The following EPHB1 variants were observed in gnomAD, a reference collection of about 807,000 sequenced individuals.
EPHB1 encodes the protein ephrin type-B receptor 1.
In EPHB1, 30 loss-of-function variants were observed where a neutral mutation model predicts 94.4. That is an observed-to-expected ratio of 0.32 (90% CI 0.24 to 0.43). EPHB1 has a LOEUF of 0.43. Ranked by LOEUF, EPHB1 falls within the 20% of genes least tolerant of loss-of-function variation. EPHB1 has a pLI of 1.00. For synonymous variants in EPHB1, 522 were observed against 489.1 expected (o/e 1.07, Z -0.89); for missense variants, 1,055 against 1,308.3 (o/e 0.81, Z 2.99).
At chr3:135,214,574 T>G (rs1943100648) in intron 12 of EPHB1, among the ~76,000 whole-genome samples, 1 of 152,128 alleles carries the variant, frequency 6.6e-6, no homozygotes, top group Non-Finnish European at 1.5e-5. Context: ...TGTGACGAAT[T>G]TCAGTCATCC....
chr3:135,204,991 A>G (rs1316349663), intron 12 of EPHB1, among the ~76,000 whole-genome samples: 3 of 120,072 alleles, frequency 2.5e-5, no homozygotes, highest in African/African-American at 9.8e-5. Context: ...CTCTATCTCC[A>G]TGAGTTCAAT....
intron 3 of EPHB1, among the ~76,000 whole-genome samples, chr3:135,056,277 T>C (rs2107774290): frequency 6.6e-6 from 1 of 152,306 alleles, no homozygotes; most frequent in Non-Finnish European, 1.5e-5. Flanking sequence ...GGGAACCTGC[T>C]CACCCTCCGT....
intron 6 of EPHB1, among the ~76,000 whole-genome samples, chr3:135,158,841 T>C (rs910353765): frequency 3.3e-5 from 5 of 152,156 alleles, no homozygotes; most frequent in Non-Finnish European, 7.3e-5. Context: ...TGATTAAACG[T>C]TTATGGTTAC....
chr3:135,176,188 T>G lies in EPHB1; in HGVS notation c.1760-3672T>G, dbSNP rs9873553. Among the ~76,000 whole-genome samples the G allele has an allele frequency of 8.8e-3, 1,339 of 152,176 alleles. 8 individuals carry two copies. Among genetic ancestry groups the G allele is most frequent in the Non-Finnish European group, 0.014 (968 of 68,008 alleles). Reference sequence around the variant, plus strand: ...AGAGTGCTCAACCAAGTCACTCTCCTGATTTAGAACACAGACTGCCGCCCC... The same window carrying G: ...AGAGTGCTCAACCAAGTCACTCTCCGGATTTAGAACACAGACTGCCGCCCC... On this transcript the variant is annotated intron_variant, in intron 9 of 15. Transcript: ENST00000398015.
intron 10 of EPHB1, among the ~76,000 whole-genome samples, chr3:135,189,503 T>C (rs1308749465): frequency 6.6e-6 from 1 of 152,254 alleles, no homozygotes; most frequent in African/African-American, 2.4e-5. Flanking sequence ...ATTGAAATGC[T>C]CAATAGTTTT....
At chr3:134,962,483 G>C (rs1009350389) in intron 3 of EPHB1, among the ~76,000 whole-genome samples, 1 of 152,108 alleles carries the variant, frequency 6.6e-6, no homozygotes, top group African/African-American at 2.4e-5. Flanking sequence ...TCTGTAGATG[G>C]GACAGGACAA....
intron 10 of EPHB1, among the ~76,000 whole-genome samples, chr3:135,181,268 C>T (rs1167891010): frequency 6.6e-6 from 1 of 152,168 alleles, no homozygotes; most frequent in East Asian, 1.9e-4. Context: ...CCACCTGCTC[C>T]CGCCAACCCC....
intron 1 of EPHB1, among the ~76,000 whole-genome samples, chr3:134,845,736 G>A (rs1410810315): frequency 2.0e-5 from 3 of 152,164 alleles, no homozygotes; most frequent in Admixed American, 1.3e-4. Context: ...CTCTCTAGGA[G>A]GTATAATTTT....
intron 3 of EPHB1, among the ~76,000 whole-genome samples, chr3:135,101,831 A>G (rs1939046853): frequency 6.6e-6 from 1 of 152,200 alleles, no homozygotes; most frequent in South Asian, 2.1e-4. Flanking sequence ...TCATCTTATA[A>G]GGAGACTCTG....
intron 4 of EPHB1, among the ~76,000 whole-genome samples, chr3:135,128,544 C>T (rs950219617): frequency 3.3e-4 from 50 of 152,348 alleles, no homozygotes; most frequent in African/African-American, 1.2e-3. Context: ...CCTGGCTTGC[C>T]AGCCCTGGAG....
intron 3 of EPHB1, among the ~76,000 whole-genome samples, chr3:135,084,219 A>T (rs538813482): frequency 6.6e-6 from 1 of 152,294 alleles, no homozygotes; most frequent in South Asian, 2.1e-4. Context: ...ATCATTATTG[A>T]TGGAGATGCC....
chr3:134,911,026 C>T (rs2038441815), intron 1 of EPHB1, among the ~76,000 whole-genome samples: 1 of 152,232 alleles, frequency 6.6e-6, no homozygotes, highest in South Asian at 2.1e-4. Context: ...TGAGACTATG[C>T]AGAGTTCAGG....
intron 8 of EPHB1, 102 bp from the exon 9 acceptor site, chr3:135,166,840 C>T: frequency 8.2e-7 from 1 of 1,221,958 alleles, no homozygotes; most frequent in Non-Finnish European, 1.2e-6. Context: ...CTGGGAGATG[C>T]CCCGGGTGAG....
chr3:135,167,106 A>T lies in EPHB1; in HGVS notation c.1759+100A>T, dbSNP rs1272300828. ...CTTTATAGCCAGACTGGCTGGTCCC[A>T]GTGGCAAGTTCTCTCTCAGCCCCCA... On this transcript the variant is annotated intron_variant, in intron 9 of 15. Transcript: ENST00000398015. The T allele has an allele frequency of 2.2e-6, 3 of 1,394,146 alleles. No homozygotes were observed. The African/African-American group carries it at 4.3e-5, about 20-fold the overall frequency. 86.4% of individuals were successfully genotyped at this position (1,394,146 alleles called of 1,614,324 possible). A position where few individuals can be genotyped will look rare whatever the true frequency, so the allele number is the denominator to read the frequency against.
chr3:134,862,499 C>CA (rs11315176), intron 1 of EPHB1, among the ~76,000 whole-genome samples: 46 of 133,976 alleles, frequency 3.4e-4, no homozygotes, highest in African/African-American at 1.2e-3. Context: ...CTTGTAAGCT[C>CA]AAAAAAAAAA....
intron 2 of EPHB1, among the ~76,000 whole-genome samples, chr3:134,926,879 G>T (rs2038801659): frequency 6.6e-6 from 1 of 152,222 alleles, no homozygotes; most frequent in Non-Finnish European, 1.5e-5. Flanking sequence ...AGGATATGCA[G>T]AGGCTAGTTT....
intron 9 of EPHB1, among the ~76,000 whole-genome samples, chr3:135,179,465 T>G (rs1380209078): frequency 6.6e-6 from 1 of 152,178 alleles, no homozygotes. Context: ...AGTTGTCAAG[T>G]TGATAAATAT....
intron 1 of EPHB1, among the ~76,000 whole-genome samples, chr3:134,843,186 T>C (rs2036808325): frequency 6.6e-6 from 1 of 152,242 alleles, no homozygotes; most frequent in African/African-American, 2.4e-5. Flanking sequence ...GTTGATAGTT[T>C]GTTTCTTTTA....
At chr3:134,888,263 C>A (rs558512573) in intron 1 of EPHB1, among the ~76,000 whole-genome samples, 1 of 152,158 alleles carries the variant, frequency 6.6e-6, no homozygotes, top group East Asian at 1.9e-4. Flanking sequence ...TTGAAACCCA[C>A]ACAGATCTCA....
Sources: gnomAD v4.1 joint callset for allele counts (sites outside exome capture counted in the v4.1 genomes callset) on GRCh38, gnomAD v4.1.1 for gene constraint, MANE v1.5 for transcripts, NCBI Gene and HGNC (gene_info 2026-07-23, HGNC 2026-07-21) for gene names.